Variants in GABBR2 observed in about 807,000 individuals in gnomAD.
The protein encoded by GABBR2 is gamma-aminobutyric acid type B receptor subunit 2.
Under a neutral mutation model 105.6 loss-of-function variants are expected in GABBR2, and 23 were observed. That is an observed-to-expected ratio of 0.22 (90% confidence interval 0.16 to 0.31). The LOEUF is 0.31. Ranked by LOEUF, GABBR2 falls within the 10% of genes least tolerant of loss-of-function variation. The pLI, the probability that GABBR2 is intolerant of heterozygous loss-of-function variation, is 1.00. For synonymous variants in GABBR2, 478 were observed against 499.7 expected, an observed-to-expected ratio of 0.96 and a Z score of 0.58; for missense variants, 734 against 1,245.5, an observed-to-expected ratio of 0.59 and a Z score of 6.18.
intron 3 of GABBR2, among the ~76,000 whole-genome samples, chr9:98,534,126 C>T (rs1049731071): frequency 3.3e-5 from 5 of 152,246 alleles, no homozygotes; most frequent in African/African-American, 1.2e-4. Context: ...GTAAAGGTTT[C>T]AAAGGGCCAG....
intron 3 of GABBR2, among the ~76,000 whole-genome samples, chr9:98,505,447 T>TGTGTGTGCGC (rs1554712625): frequency 6.6e-6 from 1 of 151,742 alleles, no homozygotes; most frequent in Non-Finnish European, 1.5e-5. Flanking sequence ...TGTGTGTGTG[T>TGTGTGTGCGC]GTGTGTGTGT....
chr9:98,377,789 G>T (rs2131473046), intron 11 of GABBR2, among the ~76,000 whole-genome samples: 1 of 152,208 alleles, frequency 6.6e-6, no homozygotes, highest in East Asian at 1.9e-4. Context: ...GGGTGGGGAG[G>T]CCACTGTCAT....
rs1491054548 is a variant in GABBR2 at position 98,290,267 on chromosome 9, TTG to T, written c.*315_*316del. The stretch of plus-strand genomic sequence containing the variant: ...GTGCCTCTCTCCTTGTCTAGTTTTT[TTG>T]TTTTTTTTTTTTTTTTTTTTTTTTT... On this transcript the variant is annotated 3_prime_UTR_variant, in exon 19 of 19. Coordinates refer to ENST00000259455, the MANE Select transcript of GABBR2 (RefSeq NM_005458.8). 26 of 147,556 alleles carry T rather than the reference TTG, an allele frequency of 1.8e-4. No individual in the cohort carries two copies. Among genetic ancestry groups the T allele is most frequent in the South Asian group, 4.6e-4 (2 of 4,324 alleles). The allele number at this position is 147,556 out of a possible 1,614,324, so 9.1% of individuals were successfully genotyped here.
chr9:98,486,384 G>A (rs1439761546), intron 4 of GABBR2, among the ~76,000 whole-genome samples: 3 of 152,232 alleles, frequency 2.0e-5, no homozygotes, highest in Non-Finnish European at 2.9e-5. Context: ...ATGCAATCCT[G>A]AGCCACTGAA....
At chr9:98,542,902 CTTTG>C (rs10536801) in intron 2 of GABBR2, among the ~76,000 whole-genome samples, 10,505 of 151,922 alleles carry the variant, frequency 0.069, 699 homozygotes, top group African/African-American at 0.17. Context: ...TTTTCATGTC[CTTTG>C]TTTATTTTTT....
chr9:98,335,212 G>A (rs1438319740), intron 13 of GABBR2, among the ~76,000 whole-genome samples: 1 of 152,132 alleles, frequency 6.6e-6, no homozygotes, highest in Non-Finnish European at 1.5e-5. Context: ...AGAAAAATAT[G>A]AGACCAGAGG....
chr9:98,356,709 T>C (rs565966675), intron 13 of GABBR2, among the ~76,000 whole-genome samples: 1 of 152,340 alleles, frequency 6.6e-6, no homozygotes, highest in Non-Finnish European at 1.5e-5. Context: ...AACTCACACA[T>C]GAAAGTTTGT....
intron 13 of GABBR2, among the ~76,000 whole-genome samples, chr9:98,337,205 C>T (rs768360728): frequency 5.9e-5 from 9 of 151,638 alleles, no homozygotes; most frequent in African/African-American, 9.7e-5. Flanking sequence ...CTCAGGAGGC[C>T]GAGGCACGAG....
At chr9:98,432,532 C>T (rs1354592192) in intron 7 of GABBR2, among the ~76,000 whole-genome samples, 9 of 152,128 alleles carry the variant, frequency 5.9e-5, no homozygotes, top group Non-Finnish European at 1.3e-4. Flanking sequence ...AAACCAGGAT[C>T]CTGGCATTTC....
chr9:98,596,608 G>A lies in GABBR2; in HGVS notation c.322-18536C>T, dbSNP rs143302710. Among the ~76,000 whole-genome samples, 539 of 152,192 alleles carry A rather than the reference G, an allele frequency of 3.5e-3. 3 individuals carry two copies. Among genetic ancestry groups the A allele is most frequent in the African/African-American group, 0.012 (514 of 41,512 alleles). On this transcript the variant is annotated intron_variant, in intron 1 of 18. Transcript: ENST00000259455. ...GCCCAGCCCTGCCATGGAAGGAGCC[G>A]GCGATGTGGTCACGACAGGACCATA...
intron 3 of GABBR2, among the ~76,000 whole-genome samples, chr9:98,532,098 C>T (rs1390399713): frequency 2.6e-5 from 4 of 152,190 alleles, no homozygotes; most frequent in East Asian, 1.9e-4. Flanking sequence ...CATCATTTTA[C>T]TTTTTCCTAG....
chr9:98,366,831 T>C (rs1350299553), intron 12 of GABBR2, among the ~76,000 whole-genome samples: 1 of 152,192 alleles, frequency 6.6e-6, no homozygotes, highest in Non-Finnish European at 1.5e-5. Context: ...TGTTATTGTC[T>C]ACAACAGAAC....
intron 1 of GABBR2, among the ~76,000 whole-genome samples, chr9:98,649,444 C>G (rs1287788302): frequency 6.6e-6 from 1 of 152,176 alleles, no homozygotes; most frequent in Non-Finnish European, 1.5e-5. Flanking sequence ...GCCTTCTCCA[C>G]CACACCCACT....
At chr9:98,307,258 G>C (rs1830566050) in intron 14 of GABBR2, among the ~76,000 whole-genome samples, 1 of 152,188 alleles carries the variant, frequency 6.6e-6, no homozygotes, top group African/African-American at 2.4e-5. Context: ...GAAATGGACA[G>C]GGTAGAGGCC....
intron 8 of GABBR2, among the ~76,000 whole-genome samples, chr9:98,396,932 C>T (rs142202803): frequency 0.012 from 1,772 of 152,270 alleles, 18 homozygotes; most frequent in African/African-American, 0.015. Flanking sequence ...GGCTCACAGG[C>T]GCTTCACAAG....
At chr9:98,378,725 C>G (rs2131474871) in intron 11 of GABBR2, among the ~76,000 whole-genome samples, 1 of 152,172 alleles carries the variant, frequency 6.6e-6, no homozygotes, top group East Asian at 1.9e-4. Flanking sequence ...GGGGGCCACC[C>G]TTTGGCAAGG....
At chr9:98,471,063 G>A (rs1437777555) in intron 6 of GABBR2, among the ~76,000 whole-genome samples, 4 of 152,160 alleles carry the variant, frequency 2.6e-5, no homozygotes, top group African/African-American at 9.7e-5. Flanking sequence ...CTTTGCTACT[G>A]GAAGATCTGA....
chr9:98,558,754 A>G (rs1828624757), intron 2 of GABBR2, among the ~76,000 whole-genome samples: 1 of 152,236 alleles, frequency 6.6e-6, no homozygotes, highest in Non-Finnish European at 1.5e-5. Flanking sequence ...GCCCTAGAAT[A>G]ACACAAAAGA....
chr9:98,688,089 T>C (rs1037028268), intron 1 of GABBR2, among the ~76,000 whole-genome samples: 4 of 152,122 alleles, frequency 2.6e-5, no homozygotes, highest in African/African-American at 9.7e-5. Context: ...GAGATCATAA[T>C]GAGTCACAGT....
Sources: gnomAD v4.1 joint callset for allele counts (sites outside exome capture counted in the v4.1 genomes callset) on GRCh38, gnomAD v4.1.1 for gene constraint, MANE v1.5 for transcripts, NCBI Gene and HGNC (gene_info 2026-07-23, HGNC 2026-07-21) for gene names.